Variants in RABGAP1L observed in about 807,000 individuals in gnomAD.
RABGAP1L encodes RAB GTPase activating protein 1 like.
In RABGAP1L, 63 loss-of-function variants were observed where a neutral mutation model predicts 137.7. The ratio of observed to expected loss-of-function variants is 0.46; its 90% CI spans 0.37 to 0.56. The LOEUF (loss-of-function observed/expected upper bound fraction) is 0.56, where lower values mean the gene tolerates loss of function less well. RABGAP1L is among the 20% of genes least tolerant of loss of function. The pLI, the probability that RABGAP1L is intolerant of heterozygous loss-of-function variation, is 0.00. For synonymous variants in RABGAP1L, 431 were observed against 433.7 expected (o/e 0.99, Z 0.08); for missense variants, 1,095 against 1,244.0 (o/e 0.88, Z 1.80).
At chr1:174,601,567 G>A (rs984529233) in intron 13 of RABGAP1L, among the ~76,000 whole-genome samples, 2 of 152,064 alleles carry the variant, frequency 1.3e-5, no homozygotes, top group African/African-American at 4.8e-5. Flanking sequence ...AATGGGTGCA[G>A]CAAACCAACA....
chr1:174,903,955 GAAA>G (rs371687455), intron 19 of RABGAP1L, among the ~76,000 whole-genome samples: 10 of 75,448 alleles, frequency 1.3e-4, no homozygotes, highest in African/African-American at 3.3e-4. Flanking sequence ...TGTCTCAAAA[GAAA>G]AAAAAAAAAA....
At chr1:174,610,788 C>A (rs1671168704) in intron 13 of RABGAP1L, among the ~76,000 whole-genome samples, 1 of 152,180 alleles carries the variant, frequency 6.6e-6, no homozygotes, top group Non-Finnish European at 1.5e-5. Flanking sequence ...TTTTGATTTG[C>A]ATTTCTCTGA....
intron 1 of RABGAP1L, among the ~76,000 whole-genome samples, chr1:174,190,350 G>A: frequency 6.7e-6 from 1 of 150,202 alleles, no homozygotes; most frequent in East Asian, 1.9e-4. Flanking sequence ...GCTCTCACCA[G>A]ATGCTGCCCA....
chr1:174,820,164 C>T lies in RABGAP1L; in HGVS notation c.2340+8204C>T, dbSNP rs565538975. Among the ~76,000 whole-genome samples the T allele has an allele frequency of 3.3e-5, 5 of 152,238 alleles. No individual in the cohort carries two copies. The East Asian group carries it at 7.7e-4, about 23-fold the overall frequency. On this transcript the variant is annotated intron_variant, in intron 19 of 25. Coordinates refer to ENST00000681986, the MANE Select transcript of RABGAP1L (RefSeq NM_001366446.1). ...AGTGTTTTGTAATTTTCTTTAGAAA[C>T]ATTTAGTAGTCCAAATGTATATATG...
chr1:174,544,694 T>G (rs1665839277), intron 13 of RABGAP1L: 1 of 152,252 alleles, frequency 6.6e-6, no homozygotes, highest in Non-Finnish European at 1.5e-5. Flanking sequence ...ATTTTTAGAA[T>G]TTTTAGCTTT....
chr1:174,747,518 T>C (rs1363644598), intron 17 of RABGAP1L, among the ~76,000 whole-genome samples: 1 of 152,156 alleles, frequency 6.6e-6, no homozygotes, highest in Non-Finnish European at 1.5e-5. Context: ...CTGTTCTACT[T>C]TAGTTCAAGG....
At chr1:174,707,715 C>T (rs1680162449) in intron 17 of RABGAP1L, among the ~76,000 whole-genome samples, 1 of 152,152 alleles carries the variant, frequency 6.6e-6, no homozygotes, top group African/African-American at 2.4e-5. Context: ...CAGTCTGCTC[C>T]ATCCATCTGT....
chr1:174,326,101 G>A (rs1358761359), intron 11 of RABGAP1L, among the ~76,000 whole-genome samples: 1 of 152,140 alleles, frequency 6.6e-6, no homozygotes. Context: ...AACAAACCTA[G>A]ACTACAAAGA....
At chr1:174,847,136 G>C (rs1391957642) in intron 19 of RABGAP1L, among the ~76,000 whole-genome samples, 2 of 148,298 alleles carry the variant, frequency 1.3e-5, no homozygotes, top group Non-Finnish European at 3.0e-5. Flanking sequence ...CACGTGAGAT[G>C]GGTTTCCTGA....
intron 13 of RABGAP1L, among the ~76,000 whole-genome samples, chr1:174,521,323 A>C (rs1292393260): frequency 6.6e-6 from 1 of 152,236 alleles, no homozygotes; most frequent in Non-Finnish European, 1.5e-5. Context: ...ATTTTATTTA[A>C]ATGAAATGAT....
chr1:174,193,213 T>C (rs1339313703), intron 1 of RABGAP1L, among the ~76,000 whole-genome samples: 4 of 152,190 alleles, frequency 2.6e-5, no homozygotes, highest in Non-Finnish European at 5.9e-5. Context: ...CCACATTTGT[T>C]ACATTCTTAA....
At chr1:174,529,296 A>G (rs1023056464) in intron 13 of RABGAP1L, among the ~76,000 whole-genome samples, 6 of 152,094 alleles carry the variant, frequency 3.9e-5, no homozygotes, top group African/African-American at 1.4e-4. Flanking sequence ...GCTTTTATAG[A>G]GGAGGACTTT....
intron 1 of RABGAP1L, among the ~76,000 whole-genome samples, chr1:174,185,380 T>A (rs1402246962): frequency 1.3e-5 from 2 of 152,218 alleles, no homozygotes; most frequent in Non-Finnish European, 2.9e-5. Flanking sequence ...AAGGGTAATT[T>A]TAAATTTTAC....
intron 17 of RABGAP1L, among the ~76,000 whole-genome samples, chr1:174,719,452 A>C (rs1681306575): frequency 6.6e-6 from 1 of 152,186 alleles, no homozygotes; most frequent in Admixed American, 6.5e-5. Flanking sequence ...ATCAGTCAAC[A>C]AGCATCTATT....
At chr1:174,683,066 T>G (rs527549081) in intron 14 of RABGAP1L, among the ~76,000 whole-genome samples, 4 of 150,608 alleles carry the variant, frequency 2.7e-5, no homozygotes, top group African/African-American at 7.4e-5. Context: ...GGGTTTTTTT[T>G]TTTTTTTTTT....
chr1:174,520,979 G>C (rs534573124), intron 13 of RABGAP1L, among the ~76,000 whole-genome samples: 2 of 152,226 alleles, frequency 1.3e-5, no homozygotes, highest in East Asian at 3.9e-4. Flanking sequence ...CCAGCGTGGC[G>C]ACATAGCGAG....
chr1:174,459,180 A>G (rs1257122925), intron 13 of RABGAP1L, among the ~76,000 whole-genome samples: 1 of 152,150 alleles, frequency 6.6e-6, no homozygotes, highest in African/African-American at 2.4e-5. Flanking sequence ...TTTACACAAA[A>G]TTAAGCCATT....
intron 13 of RABGAP1L, among the ~76,000 whole-genome samples, chr1:174,441,581 A>C (rs1454722031): frequency 6.6e-6 from 1 of 152,010 alleles, no homozygotes; most frequent in Non-Finnish European, 1.5e-5. Context: ...CTAAAAATAC[A>C]AAATTAGTCA....
chr1:174,416,035 T>TATATATATATATATACACATATAC (rs943543276), intron 13 of RABGAP1L, among the ~76,000 whole-genome samples: 1 of 83,800 alleles, frequency 1.2e-5, no homozygotes, highest in African/African-American at 7.0e-5. Flanking sequence ...TATATATATA[T>TATATATATATATATACACATATAC]ACACACACAT....
Sources: gnomAD v4.1 joint callset for allele counts (sites outside exome capture counted in the v4.1 genomes callset) on GRCh38, gnomAD v4.1.1 for gene constraint, MANE v1.5 for transcripts, NCBI Gene and HGNC (gene_info 2026-07-23, HGNC 2026-07-21) for gene names.